The following SHPK variants were observed in gnomAD, a reference collection of about 807,000 sequenced individuals.
SHPK encodes the protein sedoheptulokinase.
In SHPK, 51 loss-of-function variants were observed where a neutral mutation model predicts 46.3. The ratio of observed to expected loss-of-function variants is 1.10; its 90% CI spans 0.88 to 1.39. The LOEUF is 1.39. Among genes scored for constraint, SHPK ranks in the 40% most tolerant of loss-of-function variants. SHPK has a pLI of 0.00. For synonymous variants in SHPK, 290 were observed against 273.9 expected, an observed-to-expected ratio of 1.06 and a Z score of -0.58; for missense variants, 668 against 641.3, an observed-to-expected ratio of 1.04 and a Z score of -0.45.
At position 3,624,092 on chromosome 17, in the gene SHPK, G is replaced by A. The variant is rs1177720292; in HGVS notation, c.450C>T (p.Ala150=). The change falls in exon 3 of 7, where the codon GCC becomes GCT. Residue 150 remains alanine (A), a synonymous_variant. Coordinates refer to ENST00000225519, the MANE Select transcript of SHPK (RefSeq NM_013276.4). ...AGATGGTTGCACAGCCGAAGCCCGT[G>A]GCCACACTGAGATGAGACTTCGGCT... The part of the protein sequence containing the change: ...LPQPKSHLSV[A]TGFGCATIFW... The A allele has an allele frequency of 1.2e-6, 2 of 1,613,818 alleles. No individual in the cohort carries two copies. The highest frequency in any genetic ancestry group is 1.7e-6 in the Non-Finnish European group (2 of 1,179,844).
chr17:3,630,997 CT>C (rs893394766), intron 1 of SHPK, among the ~76,000 whole-genome samples: 1 of 152,222 alleles, frequency 6.6e-6, no homozygotes, highest in Admixed American at 6.5e-5. Context: ...CATCTGAAGG[CT>C]GAGTTCTCAG....
chr17:3,610,347 G>A lies in SHPK; in HGVS notation c.*213C>T, dbSNP rs760092348. 23 of 556,736 alleles carry A rather than the reference G, an allele frequency of 4.1e-5. No homozygotes were observed. The highest frequency in any genetic ancestry group is 9.4e-5 in the African/African-American group (5 of 53,294). 34.5% of individuals were successfully genotyped at this position (556,736 alleles called of 1,614,324 possible). On this transcript the variant is annotated 3_prime_UTR_variant, in exon 7 of 7. Coordinates refer to ENST00000225519, the MANE Select transcript of SHPK (RefSeq NM_013276.4). ...AATAGCTCCCAGGTGGGTCAATTTC[G>A]GAAGGCACTCATTTGGGATCTGGCT...
intron 6 of SHPK, among the ~76,000 whole-genome samples, chr17:3,611,294 C>T (rs766193661): frequency 5.3e-5 from 8 of 152,108 alleles, no homozygotes; most frequent in Admixed American, 1.3e-4. Context: ...ATTGGCTGGG[C>T]GTGGTGGCTC....
intron 1 of SHPK, 27 bp downstream of exon 1, chr17:3,636,025 C>A (rs2075521881): frequency 2.0e-6 from 3 of 1,513,308 alleles, no homozygotes; most frequent in South Asian, 1.2e-5. Flanking sequence ...CTCCTGGAGG[C>A]GGCGCGGCCC....
chr17:3,622,612 C>A (rs1310474767), intron 4 of SHPK: 7 of 984,504 alleles, frequency 7.1e-6, no homozygotes, highest in Non-Finnish European at 8.4e-6. Flanking sequence ...AGTGAACTTA[C>A]AGGGCACTGG....
chr17:3,623,530 T>C (rs766714479), intron 3 of SHPK, 39 bp from the exon 4 acceptor site: 2 of 1,608,618 alleles, frequency 1.2e-6, no homozygotes, highest in Non-Finnish European at 1.7e-6. Context: ...CGGTATAACA[T>C]GAACTCGGAA....
intron 5 of SHPK, 94 bp downstream of exon 5, chr17:3,621,143 C>T: frequency 9.3e-7 from 1 of 1,073,020 alleles, no homozygotes; most frequent in South Asian, 1.7e-5. Context: ...GCCAAGACTG[C>T]TAAGCTCTGT....
intron 1 of SHPK, among the ~76,000 whole-genome samples, chr17:3,634,571 CA>C (rs11311796): frequency 0.47 from 41,891 of 89,450 alleles, 7,227 homozygotes; most frequent in Middle Eastern, 0.59. Flanking sequence ...GACCCTGTCT[CA>C]AAAAAAAAAA....
intron 3 of SHPK, among the ~76,000 whole-genome samples, chr17:3,623,791 G>A (rs1020812668): frequency 6.6e-6 from 1 of 152,168 alleles, no homozygotes; most frequent in Non-Finnish European, 1.5e-5. Context: ...AACTCTCCCC[G>A]TGACCCTCGG....
At chr17:3,616,101 C>T (rs1403231741) in intron 5 of SHPK, among the ~76,000 whole-genome samples, 1 of 152,124 alleles carries the variant, frequency 6.6e-6, no homozygotes, top group African/African-American at 2.4e-5. Flanking sequence ...ATCCACCCAC[C>T]TCGGCCTCCC....
In SHPK at chr17:3,610,308, C is replaced by T. The variant is rs1420492606; in HGVS notation, c.*252G>A. 2 of 481,928 alleles carry T rather than the reference C, an allele frequency of 4.2e-6. No individual in the cohort carries two copies. 29.9% of individuals were successfully genotyped at this position (481,928 alleles called of 1,614,324 possible). A position where few individuals can be genotyped will look rare whatever the true frequency, so the allele number is the denominator to read the frequency against. On this transcript the variant is annotated 3_prime_UTR_variant, in exon 7 of 7. Transcript: ENST00000225519. ...GTGCTCTCATGCTCTCTCTCTCCCA[C>T]ATGGACATTTGTAAATAGCTCCCAG...
At chr17:3,615,235 A>G (rs773202876) in intron 6 of SHPK, 102 bp downstream of exon 6, 247 of 1,146,666 alleles carry the variant, frequency 2.2e-4, no homozygotes, top group Non-Finnish European at 2.8e-4. Flanking sequence ...TGAGACCTCA[A>G]TGTGGACGCT....
chr17:3,619,971 G>T (rs2075390651), intron 5 of SHPK: 1 of 191,872 alleles, frequency 5.2e-6, no homozygotes, highest in Non-Finnish European at 1.1e-5. Context: ...ATTAAAAGAA[G>T]AATTTTTCAT....
rs958471698 is a variant in SHPK at position 3,621,400 on chromosome 17, C to T, written c.660G>A (p.Ser220=). 5.0e-6 allele frequency: 8 copies of T among 1,613,670 alleles called. No homozygotes were observed. Among genetic ancestry groups the T allele is most frequent in the African/African-American group, 1.3e-5 (1 of 74,896 alleles). The change falls in exon 5 of 7, where the codon TCG becomes TCA. Residue 220 remains serine, a synonymous_variant. Transcript: ENST00000225519. Reference sequence around the variant, plus strand: ...CTGGGAGCAGGTGGACAGGAAAACCCGAGCTCCTCAGTCTGTAAAACAGAA... The same window carrying T: ...CTGGGAGCAGGTGGACAGGAAAACCTGAGCTCCTCAGTCTGTAAAACAGAA... The part of the protein sequence containing the change: ...QSWNVETLRS[S]GFPVHLLPDI...
intron 6 of SHPK, among the ~76,000 whole-genome samples, chr17:3,614,771 C>T (rs1335961523): frequency 6.6e-6 from 1 of 150,678 alleles, no homozygotes; most frequent in African/African-American, 2.4e-5. Flanking sequence ...TCCCTTGAAC[C>T]TGGGAGGCGG....
rs556822003 is a variant in SHPK at position 3,628,496 on chromosome 17, T to C, written c.310+1709A>G. ...CACCACCACACCCAGCTAATTTTTG[T>C]ATTTTTAGTAGAGATGGGGTTTCAC... is the stretch of plus-strand genomic sequence containing the variant. On this transcript the variant is annotated intron_variant, in intron 2 of 6. Transcript: ENST00000225519. Among the ~76,000 whole-genome samples, 3 of 151,338 alleles carry C rather than the reference T, an allele frequency of 2.0e-5. No individual in the cohort carries two copies. In the East Asian group the frequency reaches 5.9e-4, roughly 30 times the overall value.
intron 4 of SHPK, among the ~76,000 whole-genome samples, chr17:3,622,252 G>C (rs781456749): frequency 4.6e-5 from 7 of 152,206 alleles, no homozygotes; most frequent in Non-Finnish European, 1.0e-4. Flanking sequence ...AAAACCATGA[G>C]CTTAGGCTTT....
chr17:3,635,236 A>AGGGAAGGAAGGAAG (rs201286088), intron 1 of SHPK, among the ~76,000 whole-genome samples: 5 of 132,356 alleles, frequency 3.8e-5, no homozygotes, highest in African/African-American at 1.0e-4. Flanking sequence ...GAAGGAAGGA[A>AGGGAAGGAAGGAAG]GGAAGGAAGG....
chr17:3,619,845 TG>T, intron 5 of SHPK: 2 of 384,170 alleles, frequency 5.2e-6, no homozygotes, highest in South Asian at 4.7e-5. Flanking sequence ...TCCTCTCCTC[TG>T]CTGTCTACCT....
Sources: allele counts gnomAD v4.1 joint callset (sites outside exome capture counted in the v4.1 genomes callset), GRCh38; gene constraint gnomAD v4.1.1; transcripts MANE v1.5; gene names NCBI Gene and HGNC (gene_info 2026-07-23, HGNC 2026-07-21).